Variants in ATP2B2 observed in about 807,000 individuals in gnomAD.
ATP2B2 encodes ATPase plasma membrane Ca2+ transporting 2, also known as plasma membrane calcium-transporting ATPase 2.
ATP2B2 carries 15 observed loss-of-function variants against 120.0 expected under a neutral mutation model. The observed-to-expected ratio is 0.12, with a 90% CI of 0.08 to 0.19. ATP2B2 has a LOEUF of 0.19. Among genes scored for constraint, ATP2B2 ranks in the 10% least tolerant of loss-of-function variants. The pLI is 1.00. For synonymous variants in ATP2B2, 694 were observed against 700.3 expected (o/e 0.99, Z 0.14); for missense variants, 1,045 against 1,719.8 (o/e 0.61, Z 6.94).
chr3:10,572,606 G>A (rs1293428829), intron 2 of ATP2B2, among the ~76,000 whole-genome samples: 1 of 152,128 alleles, frequency 6.6e-6, no homozygotes, highest in East Asian at 1.9e-4. Context: ...AGCAGGAGGG[G>A]GTGTGTGGTG....
intron 1 of ATP2B2, among the ~76,000 whole-genome samples, chr3:10,649,454 C>T (rs2070397566): frequency 6.6e-6 from 1 of 152,224 alleles, no homozygotes; most frequent in South Asian, 2.1e-4. Context: ...ATCCTTCTGC[C>T]AATTTCTCTG....
At chr3:10,394,695 T>A (rs2061975945) in intron 5 of ATP2B2, 4 of 388,406 alleles carry the variant, frequency 1.0e-5, no homozygotes, top group African/African-American at 2.1e-5. Flanking sequence ...GGTCCTGGGA[T>A]GTGGGCAGAG....
chr3:10,350,696 C>G (rs1007346058), intron 14 of ATP2B2, 119 bp from the exon 15 acceptor site: 1 of 1,062,004 alleles, frequency 9.4e-7, no homozygotes, highest in Admixed American at 2.2e-5. Flanking sequence ...GACTAGATGA[C>G]TATGAGATGC....
At chr3:10,614,241 G>A (rs2069320698) in intron 2 of ATP2B2, among the ~76,000 whole-genome samples, 1 of 152,076 alleles carries the variant, frequency 6.6e-6, no homozygotes, top group South Asian at 2.1e-4. Context: ...CCTAGTGTTT[G>A]GCTCCGTATG....
intron 1 of ATP2B2, among the ~76,000 whole-genome samples, chr3:10,631,774 T>C (rs2069871702): frequency 6.6e-6 from 1 of 152,184 alleles, no homozygotes; most frequent in Non-Finnish European, 1.5e-5. Context: ...CAGAAATGCT[T>C]CCATATCAAA....
At chr3:10,583,381 T>A (rs575362941) in intron 2 of ATP2B2, among the ~76,000 whole-genome samples, 16 of 152,210 alleles carry the variant, frequency 1.1e-4, no homozygotes, top group African/African-American at 3.6e-4. Context: ...TGTGGAGTAT[T>A]CCACCTAGCT....
intron 1 of ATP2B2, among the ~76,000 whole-genome samples, chr3:10,503,307 T>C (rs1455162647): frequency 6.6e-6 from 1 of 152,258 alleles, no homozygotes; most frequent in Non-Finnish European, 1.5e-5. Flanking sequence ...GGGGCCAGTC[T>C]GGGCTCCTGG....
intron 3 of ATP2B2, among the ~76,000 whole-genome samples, chr3:10,515,684 C>G (rs572633936): frequency 6.6e-6 from 1 of 152,208 alleles, no homozygotes; most frequent in Non-Finnish European, 1.5e-5. Flanking sequence ...GAGCTTAAGT[C>G]TGAGCTCCAC....
At chr3:10,400,216 T>C (rs567965776) in intron 5 of ATP2B2, among the ~76,000 whole-genome samples, 55 of 152,382 alleles carry the variant, frequency 3.6e-4, no homozygotes, top group Non-Finnish European at 6.3e-4. Flanking sequence ...ATCAGCTCAC[T>C]GCTTAAAACC....
chr3:10,388,156 G>A, intron 6 of ATP2B2, 121 bp downstream of exon 6: 1 of 1,476,098 alleles, frequency 6.8e-7, no homozygotes, highest in Admixed American at 1.7e-5. Flanking sequence ...GGAGGTGGCT[G>A]TCAGCACAGG....
intron 14 of ATP2B2, among the ~76,000 whole-genome samples, chr3:10,356,868 T>C (rs938576804): frequency 2.0e-5 from 3 of 152,156 alleles, no homozygotes; most frequent in African/African-American, 4.8e-5. Flanking sequence ...TGGGCTCCAC[T>C]GCCAAGCTCC....
chr3:10,526,319 A>G (rs2067090641), intron 3 of ATP2B2, among the ~76,000 whole-genome samples: 1 of 152,156 alleles, frequency 6.6e-6, no homozygotes, highest in South Asian at 2.1e-4. Flanking sequence ...TGACCCCCAG[A>G]CTGTCCTCAA....
At chr3:10,522,443 C>T (rs1251260878) in intron 3 of ATP2B2, among the ~76,000 whole-genome samples, 1 of 152,202 alleles carries the variant, frequency 6.6e-6, no homozygotes, top group East Asian at 1.9e-4. Flanking sequence ...TCCCTGTGAC[C>T]ATCATGCCTA....
At chr3:10,612,998 T>C (rs1285415412) in intron 2 of ATP2B2, among the ~76,000 whole-genome samples, 1 of 152,140 alleles carries the variant, frequency 6.6e-6, no homozygotes, top group Non-Finnish European at 1.5e-5. Context: ...GGAACAACCA[T>C]GCCATTACAG....
chr3:10,432,671 A>G (rs2063355298), intron 2 of ATP2B2, among the ~76,000 whole-genome samples: 1 of 152,232 alleles, frequency 6.6e-6, no homozygotes, highest in African/African-American at 2.4e-5. Context: ...CGTGTCCTTG[A>G]GGCTGGCAAG....
intron 1 of ATP2B2, among the ~76,000 whole-genome samples, chr3:10,460,264 C>T (rs1192351395): frequency 1.3e-5 from 2 of 152,212 alleles, no homozygotes; most frequent in Non-Finnish European, 2.9e-5. Context: ...GGTCCTGGTG[C>T]TGAAAGACAG....
At chr3:10,599,265 A>G (rs1253239167) in intron 2 of ATP2B2, among the ~76,000 whole-genome samples, 1 of 152,154 alleles carries the variant, frequency 6.6e-6, no homozygotes, top group African/African-American at 2.4e-5. Context: ...CGCCTACCCC[A>G]CACCCCTGGG....
intron 3 of ATP2B2, among the ~76,000 whole-genome samples, chr3:10,514,549 C>G (rs1461090414): frequency 6.6e-6 from 1 of 152,274 alleles, no homozygotes; most frequent in African/African-American, 2.4e-5. Flanking sequence ...GTGTCCAGCC[C>G]TAGCTTTCCA....
chr3:10,702,633 T>C (rs2071835369), intron 1 of ATP2B2, among the ~76,000 whole-genome samples: 1 of 152,232 alleles, frequency 6.6e-6, no homozygotes, highest in African/African-American at 2.4e-5. Flanking sequence ...TCCAGGTTCA[T>C]CTGCTTGCAC....
Sources: gnomAD v4.1 joint callset for allele counts (sites outside exome capture counted in the v4.1 genomes callset) on GRCh38, gnomAD v4.1.1 for gene constraint, MANE v1.5 for transcripts, NCBI Gene and HGNC (gene_info 2026-07-23, HGNC 2026-07-21) for gene names.